FHIT: variants seen among roughly 807,000 people sequenced by gnomAD.
FHIT encodes fragile histidine triad diadenosine triphosphatase.
In FHIT, 19 loss-of-function variants were observed where a neutral mutation model predicts 17.9. That is an observed-to-expected ratio of 1.06 (90% CI 0.74 to 1.56). The LOEUF (loss-of-function observed/expected upper bound fraction) is 1.56, where lower values mean the gene tolerates loss of function less well. Ranked by LOEUF, FHIT falls within the 40% of genes most tolerant of loss-of-function variation. FHIT has a pLI of 0.00. For synonymous variants in FHIT, 81 were observed against 69.7 expected (o/e 1.16, Z -0.81); for missense variants, 248 against 189.2 (o/e 1.31, Z -1.82).
At chr3:60,596,812 G>A (rs982780264) in intron 4 of FHIT, among the ~76,000 whole-genome samples, 1 of 152,022 alleles carries the variant, frequency 6.6e-6, no homozygotes, top group Non-Finnish European at 1.5e-5. Flanking sequence ...TAGCATGCTG[G>A]CTCTTACCAT....
At chr3:60,007,412 A>G (rs994161658) in intron 7 of FHIT, among the ~76,000 whole-genome samples, 1 of 152,182 alleles carries the variant, frequency 6.6e-6, no homozygotes, top group African/African-American at 2.4e-5. Flanking sequence ...ACACATACAT[A>G]TCGTCTTCTA....
At chr3:60,625,893 G>A (rs1044192781) in intron 4 of FHIT, among the ~76,000 whole-genome samples, 7 of 152,172 alleles carry the variant, frequency 4.6e-5, no homozygotes, top group Non-Finnish European at 8.8e-5. Context: ...TTGAGGCCAA[G>A]ATTCATTTTG....
At chr3:61,127,730 A>G (rs1279505423) in intron 2 of FHIT, among the ~76,000 whole-genome samples, 1 of 151,792 alleles carries the variant, frequency 6.6e-6, no homozygotes, top group Non-Finnish European at 1.5e-5. Context: ...TTTTTTTTGT[A>G]TTACAGGGTG....
intron 4 of FHIT, among the ~76,000 whole-genome samples, chr3:60,651,255 G>A (rs2039984126): frequency 1.3e-5 from 2 of 152,140 alleles, no homozygotes; most frequent in East Asian, 1.9e-4. Flanking sequence ...TAAATACTAT[G>A]AGCATTTTAA....
At chr3:60,408,124 G>A (rs1701940869) in intron 5 of FHIT, among the ~76,000 whole-genome samples, 1 of 152,198 alleles carries the variant, frequency 6.6e-6, no homozygotes, top group Non-Finnish European at 1.5e-5. Flanking sequence ...TTATATGTGT[G>A]TAACACACAG....
chr3:60,653,667 T>A (rs201295158), intron 4 of FHIT, among the ~76,000 whole-genome samples: 1 of 149,882 alleles, frequency 6.7e-6, no homozygotes. Context: ...TCCTGAAAAG[T>A]AAAAAAAAAA....
chr3:60,931,937 A>T (rs115592569), intron 3 of FHIT, among the ~76,000 whole-genome samples: 1 of 152,344 alleles, frequency 6.6e-6, no homozygotes, highest in Non-Finnish European at 1.5e-5. Flanking sequence ...GATTTTTACC[A>T]GAGCACAAGG....
At chr3:60,573,710 C>A (rs946939014) in intron 4 of FHIT, among the ~76,000 whole-genome samples, 6 of 152,194 alleles carry the variant, frequency 3.9e-5, no homozygotes. Context: ...AGTCAAATGA[C>A]TGTCATCATT....
chr3:60,151,058 GA>G (rs1424485683), intron 5 of FHIT, among the ~76,000 whole-genome samples: 5 of 152,138 alleles, frequency 3.3e-5, no homozygotes, highest in African/African-American at 4.8e-5. Context: ...AAGTTGGATG[GA>G]TTTGCACTGG....
intron 2 of FHIT, among the ~76,000 whole-genome samples, chr3:61,083,483 G>T (rs1034093778): frequency 6.6e-6 from 1 of 152,094 alleles, no homozygotes; most frequent in African/African-American, 2.4e-5. Flanking sequence ...CCAGCTACTC[G>T]GGAGGCTGAG....
chr3:60,484,686 C>T (rs2107484340), intron 5 of FHIT, among the ~76,000 whole-genome samples: 1 of 152,004 alleles, frequency 6.6e-6, no homozygotes, highest in Non-Finnish European at 1.5e-5. Context: ...GGATTAAAGA[C>T]TTAAATGTAA....
intron 4 of FHIT, among the ~76,000 whole-genome samples, chr3:60,574,836 G>A (rs920895776): frequency 2.6e-5 from 4 of 151,936 alleles, no homozygotes; most frequent in African/African-American, 7.2e-5. Flanking sequence ...AGCCTTCCCA[G>A]ACTTCCCTCC....
At chr3:60,466,821 C>T (rs1251705295) in intron 5 of FHIT, among the ~76,000 whole-genome samples, 1 of 112,798 alleles carries the variant, frequency 8.9e-6, no homozygotes. Context: ...TACTTGCCTG[C>T]AGTTTTTTTT....
chr3:60,607,827 C>A (rs1212608959), intron 4 of FHIT, among the ~76,000 whole-genome samples: 1 of 152,014 alleles, frequency 6.6e-6, no homozygotes, highest in African/African-American at 2.4e-5. Flanking sequence ...TATATATATT[C>A]ATATTCTTGA....
intron 3 of FHIT, among the ~76,000 whole-genome samples, chr3:60,842,612 TAC>T (rs1491080680): frequency 0.11 from 13,050 of 121,292 alleles, 1,371 homozygotes; most frequent in Non-Finnish European, 0.14. Context: ...TATATATATA[TAC>T]ATATATATAT....
At chr3:60,629,706 GC>G (rs544126987) in intron 4 of FHIT, among the ~76,000 whole-genome samples, 66 of 152,246 alleles carry the variant, frequency 4.3e-4, no homozygotes, top group African/African-American at 1.5e-3. Context: ...CTAGAATAAT[GC>G]CCTTCCTGTT....
intron 4 of FHIT, among the ~76,000 whole-genome samples, chr3:60,571,786 C>G (rs568925570): frequency 6.6e-6 from 1 of 152,188 alleles, no homozygotes; most frequent in Non-Finnish European, 1.5e-5. Context: ...AAACAAAATG[C>G]AGAACAGATC....
chr3:60,920,078 G>C (rs1011936377), intron 3 of FHIT, among the ~76,000 whole-genome samples: 5 of 151,748 alleles, frequency 3.3e-5, no homozygotes, highest in Non-Finnish European at 7.4e-5. Context: ...TTAAACCTCA[G>C]CTTGCCATTC....
intron 2 of FHIT, among the ~76,000 whole-genome samples, chr3:61,141,743 T>C (rs1240043885): frequency 2.6e-5 from 4 of 151,648 alleles, no homozygotes; most frequent in Non-Finnish European, 5.9e-5. Context: ...TTATAGCTTC[T>C]TCAATTGGCT....
Sources: allele counts gnomAD v4.1 joint callset (sites outside exome capture counted in the v4.1 genomes callset), GRCh38; gene constraint gnomAD v4.1.1; transcripts MANE v1.5; gene names NCBI Gene and HGNC (gene_info 2026-07-23, HGNC 2026-07-21).